UNC5C: variants seen among roughly 807,000 people sequenced by gnomAD.
The protein encoded by UNC5C is netrin receptor UNC5C.
A neutral mutation model predicts 99.8 loss-of-function variants in UNC5C; 47 were observed. That is an observed-to-expected ratio of 0.47 (90% CI 0.37 to 0.60). The LOEUF is 0.60. UNC5C is among the 20% of genes least tolerant of loss of function. The pLI is 0.00. For missense variants in UNC5C, 1,062 were observed against 1,165.9 expected, an observed-to-expected ratio of 0.91 and a Z score of 1.30; for synonymous variants, 487 against 452.2, an observed-to-expected ratio of 1.08 and a Z score of -0.98.
chr4:95,349,029 G>C (rs1743884889), intron 1 of UNC5C, among the ~76,000 whole-genome samples: 1 of 151,478 alleles, frequency 6.6e-6, no homozygotes, highest in Non-Finnish European at 1.5e-5. Context: ...AACATAGTTA[G>C]ATAAAATGTA....
intron 1 of UNC5C, among the ~76,000 whole-genome samples, chr4:95,397,934 T>G (rs1293078729): frequency 6.6e-6 from 1 of 152,044 alleles, no homozygotes; most frequent in Non-Finnish European, 1.5e-5. Flanking sequence ...GTCTGCATTC[T>G]GCCCCATCTT....
chr4:95,319,021 A>G, intron 2 of UNC5C, among the ~76,000 whole-genome samples: 1 of 152,214 alleles, frequency 6.6e-6, no homozygotes, highest in South Asian at 2.1e-4. Flanking sequence ...CCTTAAGTGC[A>G]GTAATCAAGT....
At position 95,253,771 on chromosome 4, in the gene UNC5C, C is replaced by T. The variant is rs149161399; in HGVS notation, c.595-3104G>A. 6.1e-3 allele frequency among the ~76,000 whole-genome samples: 922 copies of T among 152,276 alleles called. 9 individuals are homozygous for T. Among genetic ancestry groups the T allele is most frequent in the Middle Eastern group, 6.8e-3 (2 of 294 alleles). On this transcript the variant is annotated intron_variant, in intron 4 of 15. Coordinates refer to ENST00000453304, the MANE Select transcript of UNC5C (RefSeq NM_003728.4). ...CTGCCAGCCATATCACAGCACTCTG[C>T]TTTGAGACAATCATCTCCATGAAAG...
rs552579100 is a variant in UNC5C, at chr4:95,398,457, T to C, written c.125-62826A>G. Among the ~76,000 whole-genome samples, 117 of 152,122 alleles carry C rather than the reference T, an allele frequency of 7.7e-4. 2 individuals carry two copies. Among genetic ancestry groups the C allele is most frequent in the Admixed American group, 7.4e-3 (113 of 15,272 alleles). On this transcript the variant is annotated intron_variant, in intron 1 of 15. Transcript: ENST00000453304. ...CTCATTCATTCATTCATTCATTCAT[T>C]CAACAATTGTGTATTTGCTAAGCAC...
intron 1 of UNC5C, among the ~76,000 whole-genome samples, chr4:95,504,161 A>C (rs1721849515): frequency 6.6e-6 from 1 of 152,156 alleles, no homozygotes; most frequent in African/African-American, 2.4e-5. Flanking sequence ...AATAATGAAC[A>C]TTCAGTGGAT....
chr4:95,239,591 A>C (rs556504603), intron 7 of UNC5C, among the ~76,000 whole-genome samples: 31 of 152,034 alleles, frequency 2.0e-4, no homozygotes, highest in African/African-American at 7.2e-4. Context: ...TTACCTCTCT[A>C]GCTTGGAGTT....
intron 4 of UNC5C, among the ~76,000 whole-genome samples, chr4:95,270,819 A>G (rs1260157486): frequency 6.6e-6 from 1 of 152,244 alleles, no homozygotes; most frequent in Non-Finnish European, 1.5e-5. Flanking sequence ...TAACTTTTAC[A>G]GGGCAAAAGG....
intron 7 of UNC5C, among the ~76,000 whole-genome samples, chr4:95,241,660 C>T (rs1380949115): frequency 1.3e-5 from 2 of 152,010 alleles, no homozygotes; most frequent in Admixed American, 1.3e-4. Context: ...TTCTTAATAC[C>T]TCAATTTATG....
chr4:95,324,428 T>C (rs556461155), intron 2 of UNC5C, among the ~76,000 whole-genome samples: 8 of 152,316 alleles, frequency 5.3e-5, no homozygotes, highest in Non-Finnish European at 1.2e-4. Flanking sequence ...CATGCCATTA[T>C]ATATTACAAT....
At chr4:95,320,794 T>G (rs1379899966) in intron 2 of UNC5C, among the ~76,000 whole-genome samples, 1 of 152,262 alleles carries the variant, frequency 6.6e-6, no homozygotes, top group Non-Finnish European at 1.5e-5. Flanking sequence ...CATGTGTGTC[T>G]GTACTTACAT....
At chr4:95,323,290 G>A (rs1385576179) in intron 2 of UNC5C, among the ~76,000 whole-genome samples, 2 of 152,124 alleles carry the variant, frequency 1.3e-5, no homozygotes, top group Non-Finnish European at 2.9e-5. Flanking sequence ...ACACGACCCC[G>A]GATTTCATGG....
intron 1 of UNC5C, among the ~76,000 whole-genome samples, chr4:95,362,636 C>T (rs1035300852): frequency 5.3e-5 from 8 of 152,088 alleles, no homozygotes; most frequent in Admixed American, 1.3e-4. Context: ...CACTTGCACC[C>T]GCAGGATTCC....
intron 1 of UNC5C, among the ~76,000 whole-genome samples, chr4:95,358,310 T>C (rs908041912): frequency 1.3e-5 from 2 of 152,214 alleles, no homozygotes; most frequent in Non-Finnish European, 2.9e-5. Flanking sequence ...AATTCATTTT[T>C]TTGTGGCTTT....
chr4:95,171,862 A>C (rs1364595063), intron 14 of UNC5C, among the ~76,000 whole-genome samples: 9 of 152,128 alleles, frequency 5.9e-5, no homozygotes, highest in East Asian at 5.8e-4. Context: ...CCAACAGTGT[A>C]AAAGTGTTCC....
At chr4:95,441,639 A>G (rs976212821) in intron 1 of UNC5C, among the ~76,000 whole-genome samples, 1 of 152,214 alleles carries the variant, frequency 6.6e-6, no homozygotes, top group African/African-American at 2.4e-5. Flanking sequence ...GTATATGAAT[A>G]TGTAATACAT....
rs1741895804 is a variant in UNC5C, at chr4:95,301,880, ATC to A, written c.347-133_347-132del. 3.4e-6 allele frequency: 4 copies of A among 1,177,484 alleles called. 1 individual carries two copies. In the South Asian group the frequency reaches 6.4e-5, roughly 19 times the overall value. 72.9% of individuals were successfully genotyped at this position (1,177,484 alleles called of 1,614,324 possible). ...ATCAACAACCCAGATATTGTCTCTCATCTCTTTTGACTTTCTTCTCGTTCCAG... is the reference window on the plus strand; with the variant it reads ...ATCAACAACCCAGATATTGTCTCTCATCTTTTGACTTTCTTCTCGTTCCAG... On this transcript the variant is annotated intron_variant, in intron 2 of 15. Transcript: ENST00000453304.
intron 7 of UNC5C, among the ~76,000 whole-genome samples, chr4:95,222,535 C>A (rs1408972196): frequency 6.6e-6 from 1 of 152,094 alleles, no homozygotes; most frequent in Non-Finnish European, 1.5e-5. Flanking sequence ...TTTTATTGAG[C>A]ATAAACTCTA....
At chr4:95,236,062 G>C (rs1356831368) in intron 7 of UNC5C, among the ~76,000 whole-genome samples, 1 of 152,172 alleles carries the variant, frequency 6.6e-6, no homozygotes, top group East Asian at 1.9e-4. Context: ...AATACCATTT[G>C]ACCCAACCAT....
Position 95,170,186 on chromosome 4 carries a change from C to G in UNC5C, c.2598G>C (p.Trp866Cys), listed in dbSNP as rs749626575. 6.2e-7 allele frequency: 1 copy of G among 1,614,150 alleles called. No homozygotes were observed. The highest frequency in any genetic ancestry group is 8.5e-7 in the Non-Finnish European group (1 of 1,180,024). Residue 866 changes from tryptophan (W) to cysteine (C), a missense_variant, in exon 15 of 16, where the codon TGG becomes TGC. Trp to Cys is a radical substitution (Grantham distance 215, BLOSUM62 -2). Around this residue, in one of 3 missense-constraint regions of UNC5C, gnomAD observed 810 missense variants for 854.5 expected, o/e 0.95. Coordinates refer to ENST00000453304, the MANE Select transcript of UNC5C (RefSeq NM_003728.4). ...GGTTCAGCTTATGGGCCAGCATCCT[C>G]CAGTCATGGCCTCTCGTCTGGGGGG... ...LDAPQTRGHD[W>C]RMLAHKLNLD...
Sources: allele counts gnomAD v4.1 joint callset (sites outside exome capture counted in the v4.1 genomes callset), GRCh38; gene constraint gnomAD v4.1.1; regional missense constraint gnomAD v4.1.1; transcripts MANE v1.5; gene names NCBI Gene and HGNC (gene_info 2026-07-23, HGNC 2026-07-21).